FHOD3: variants seen among roughly 807,000 people sequenced by gnomAD.
The protein encoded by FHOD3 is formin homology 2 domain containing 3.
FHOD3 carries 90 observed loss-of-function variants against 173.0 expected under a neutral mutation model. The observed-to-expected ratio is 0.52, with a 90% CI of 0.44 to 0.62. The LOEUF (loss-of-function observed/expected upper bound fraction) is 0.62. Among genes scored for constraint, FHOD3 ranks in the 20% least tolerant of loss-of-function variants. The pLI is 0.00. For synonymous variants in FHOD3, 828 were observed against 823.0 expected (o/e 1.01, Z -0.10); for missense variants, 1,945 against 2,034.7 (o/e 0.96, Z 0.85).
chr18:36,499,073 T>TTTTTGTTTTGTTTTG (rs149323059), intron 3 of FHOD3, among the ~76,000 whole-genome samples: 13 of 151,090 alleles, frequency 8.6e-5, no homozygotes, highest in African/African-American at 2.9e-4. Context: ...CCTATTGCTA[T>TTTTTGTTTTGTTTTG]TTTTGTTTTG....
intron 3 of FHOD3, among the ~76,000 whole-genome samples, chr18:36,398,271 A>G (rs2048645261): frequency 6.6e-6 from 1 of 152,322 alleles, no homozygotes; most frequent in South Asian, 2.1e-4. Flanking sequence ...TTTGCACCAT[A>G]TCTTGGGATG....
intron 16 of FHOD3, among the ~76,000 whole-genome samples, chr18:36,692,667 T>C (rs1210603877): frequency 6.6e-6 from 1 of 152,218 alleles, no homozygotes; most frequent in African/African-American, 2.4e-5. Context: ...AAAAAAAGTT[T>C]CCATGGTCAG....
At chr18:36,568,367 A>AAG (rs1568437858) in intron 5 of FHOD3, among the ~76,000 whole-genome samples, 16 of 109,452 alleles carry the variant, frequency 1.5e-4, no homozygotes, top group African/African-American at 5.5e-4. Context: ...AAAAAAAAAA[A>AAG]GGTGGTGGAG....
chr18:36,652,932 A>G lies in FHOD3; in HGVS notation c.1646+3A>G. 1.3e-6 allele frequency: 2 copies of G among 1,527,720 alleles called. No individual in the cohort carries two copies. Among genetic ancestry groups the G allele is most frequent in the Non-Finnish European group, 1.8e-6 (2 of 1,140,884 alleles). 94.6% of individuals were successfully genotyped at this position (1,527,720 alleles called of 1,614,324 possible). A position where few individuals can be genotyped will look rare whatever the true frequency, so the allele number is the denominator to read the frequency against. On this transcript the variant is annotated splice_donor_region_variant and intron_variant, in intron 12 of 28. Coordinates refer to ENST00000590592, the MANE Select transcript of FHOD3 (RefSeq NM_001281740.3). ...GCAGAGTCCCAGAAGGAAAACAGGTAGATTTGCTCACCTGGAGGCTTGTTT... is the reference window on the plus strand; with the variant it reads ...GCAGAGTCCCAGAAGGAAAACAGGTGGATTTGCTCACCTGGAGGCTTGTTT...
At chr18:36,551,963 T>A (rs1285286787) in intron 5 of FHOD3, among the ~76,000 whole-genome samples, 1 of 152,250 alleles carries the variant, frequency 6.6e-6, no homozygotes, top group African/African-American at 2.4e-5. Flanking sequence ...TTGCTTAGGA[T>A]TGACTTGGCA....
At chr18:36,489,192 G>A (rs1469356318) in intron 3 of FHOD3, among the ~76,000 whole-genome samples, 1 of 152,190 alleles carries the variant, frequency 6.6e-6, no homozygotes. Context: ...GTTTCCTGTG[G>A]ATGCTACCAG....
intron 3 of FHOD3, among the ~76,000 whole-genome samples, chr18:36,456,773 C>T (rs2052243682): frequency 6.6e-6 from 1 of 152,130 alleles, no homozygotes; most frequent in African/African-American, 2.4e-5. Context: ...CACACCTCAG[C>T]TCTTGCCTGC....
At chr18:36,364,392 G>A (rs1376260620) in intron 2 of FHOD3, among the ~76,000 whole-genome samples, 1 of 152,122 alleles carries the variant, frequency 6.6e-6, no homozygotes, top group Non-Finnish European at 1.5e-5. Context: ...AAGGGACGAA[G>A]GGAGTGCACG....
chr18:36,701,799 G>A (rs146860934), intron 17 of FHOD3, among the ~76,000 whole-genome samples: 5 of 152,274 alleles, frequency 3.3e-5, no homozygotes, highest in African/African-American at 1.2e-4. Context: ...CCATGGAGAA[G>A]TTATGGGATC....
intron 5 of FHOD3, among the ~76,000 whole-genome samples, chr18:36,568,943 A>G (rs1340334156): frequency 1.3e-5 from 2 of 152,208 alleles, no homozygotes; most frequent in Non-Finnish European, 2.9e-5. Flanking sequence ...AAAATGCTTC[A>G]GGAAGTAAGA....
chr18:36,308,897 G>A (rs998429134), intron 1 of FHOD3, among the ~76,000 whole-genome samples: 6 of 152,302 alleles, frequency 3.9e-5, no homozygotes, highest in East Asian at 1.9e-4. Flanking sequence ...CTAAACTGTC[G>A]CCATGATTTG....
chr18:36,641,157 C>T (rs1390387659), intron 10 of FHOD3, among the ~76,000 whole-genome samples: 1 of 151,848 alleles, frequency 6.6e-6, no homozygotes, highest in Non-Finnish European at 1.5e-5. Context: ...TATTGGATGT[C>T]CCTTGGAGCC....
intron 3 of FHOD3, among the ~76,000 whole-genome samples, chr18:36,479,465 A>G (rs1261254302): frequency 6.6e-6 from 1 of 152,084 alleles, no homozygotes; most frequent in Non-Finnish European, 1.5e-5. Flanking sequence ...GTAGCCATCT[A>G]TGTTGGTAGT....
intron 14 of FHOD3, among the ~76,000 whole-genome samples, chr18:36,664,931 C>A (rs1183203507): frequency 6.6e-6 from 1 of 152,042 alleles, no homozygotes; most frequent in Non-Finnish European, 1.5e-5. Flanking sequence ...GAGACCAGCC[C>A]AGGCAACAAA....
intron 1 of FHOD3, among the ~76,000 whole-genome samples, chr18:36,305,532 A>G (rs77564549): frequency 6.6e-6 from 1 of 152,362 alleles, no homozygotes; most frequent in East Asian, 1.9e-4. Context: ...TGATTTTTAT[A>G]GCAGAGAATG....
chr18:36,566,384 C>A (rs1437565232), intron 5 of FHOD3, among the ~76,000 whole-genome samples: 1 of 152,172 alleles, frequency 6.6e-6, no homozygotes, highest in African/African-American at 2.4e-5. Context: ...GTAAGGACTT[C>A]TGTTAAATGT....
intron 10 of FHOD3, among the ~76,000 whole-genome samples, chr18:36,647,698 G>A (rs1324428976): frequency 6.6e-6 from 1 of 152,130 alleles, no homozygotes; most frequent in Non-Finnish European, 1.5e-5. Flanking sequence ...GGTACCCAAG[G>A]GTCATCAGAA....
At chr18:36,414,244 T>C (rs2049507859) in intron 3 of FHOD3, among the ~76,000 whole-genome samples, 1 of 152,198 alleles carries the variant, frequency 6.6e-6, no homozygotes, top group Non-Finnish European at 1.5e-5. Flanking sequence ...CTTTAGCTGC[T>C]CCTCATGACA....
At chr18:36,601,788 C>T (rs2031416889) in intron 7 of FHOD3, among the ~76,000 whole-genome samples, 1 of 152,226 alleles carries the variant, frequency 6.6e-6, no homozygotes, top group South Asian at 2.1e-4. Context: ...TATTTCACTT[C>T]ACTTCAAATA....
Sources: gnomAD v4.1 joint callset for allele counts (sites outside exome capture counted in the v4.1 genomes callset) on GRCh38, gnomAD v4.1.1 for gene constraint, MANE v1.5 for transcripts, NCBI Gene and HGNC (gene_info 2026-07-23, HGNC 2026-07-21) for gene names.